MPRIP: variants seen among roughly 807,000 people sequenced by gnomAD.
MPRIP encodes the protein myosin phosphatase Rho interacting protein.
In MPRIP, 59 loss-of-function variants were observed where a neutral mutation model predicts 234.9. The ratio of observed to expected loss-of-function variants is 0.25; its 90% confidence interval spans 0.20 to 0.31. The LOEUF is 0.31. Ranked by LOEUF, MPRIP falls within the 10% of genes least tolerant of loss-of-function variation. The pLI is 1.00. For synonymous variants in MPRIP, 1,144 were observed against 1,263.9 expected (o/e 0.91, Z 2.01); for missense variants, 2,436 against 3,071.0 (o/e 0.79, Z 4.89).
intron 4 of MPRIP, 26 bp from the exon 5 acceptor site, chr17:17,131,591 G>A (rs2090597719): frequency 1.9e-6 from 3 of 1,608,178 alleles, no homozygotes; most frequent in African/African-American, 1.3e-5. Flanking sequence ...GTCTTACCTG[G>A]TACTTGTCTC....
rs2046482082 is a variant in MPRIP, at chr17:17,186,719, A to T, written c.*1825A>T. On this transcript the variant is annotated 3_prime_UTR_variant, in exon 24 of 24. Coordinates refer to ENST00000651222, the MANE Select transcript of MPRIP (RefSeq NM_001364716.4). ...GGGTGACAAAGCAAGGCCCCATATC[A>T]GATATAGATATACTTATCAGACCCC... The T allele has an allele frequency of 6.6e-6, 1 of 152,196 alleles. No individual in the cohort carries two copies. The highest frequency in any genetic ancestry group is 2.1e-4 in the South Asian group (1 of 4,822). 9.4% of individuals were successfully genotyped at this position (152,196 alleles called of 1,614,324 possible).
At chr17:17,146,274 C>T (rs1004900049) in intron 10 of MPRIP, among the ~76,000 whole-genome samples, 182 bp downstream of exon 10, 2 of 152,226 alleles carry the variant, frequency 1.3e-5, no homozygotes, top group Non-Finnish European at 2.9e-5. Flanking sequence ...GGCACACAGC[C>T]TTCATTTCTG....
intron 1 of MPRIP, among the ~76,000 whole-genome samples, chr17:17,067,626 G>C (rs1241942155): frequency 6.6e-6 from 1 of 152,156 alleles, no homozygotes; most frequent in East Asian, 1.9e-4. Context: ...GGATGGAGGA[G>C]GGGGGAACTA....
At chr17:17,050,496 G>A (rs1394349849) in intron 1 of MPRIP, among the ~76,000 whole-genome samples, 1 of 152,000 alleles carries the variant, frequency 6.6e-6, no homozygotes, top group African/African-American at 2.4e-5. Flanking sequence ...TGGTGTGGCC[G>A]CTGCCCGCAG....
chr17:17,106,738 A>C (rs1167023607), intron 3 of MPRIP, among the ~76,000 whole-genome samples: 3 of 152,226 alleles, frequency 2.0e-5, no homozygotes, highest in African/African-American at 7.2e-5. Flanking sequence ...GGAAATCACC[A>C]CTATGCCATC....
chr17:17,168,124 A>G (rs1020815956), intron 16 of MPRIP: 1 of 368,616 alleles, frequency 2.7e-6, no homozygotes, highest in Non-Finnish European at 5.1e-6. Context: ...CAGGAGGAGA[A>G]CTAGCAGGAG....
chr17:17,069,497 CT>C (rs2089141532), intron 1 of MPRIP, among the ~76,000 whole-genome samples: 1 of 149,204 alleles, frequency 6.7e-6, no homozygotes, highest in Non-Finnish European at 1.5e-5. Context: ...TTTTTTTTTC[CT>C]GCTTCCTTTG....
At chr17:17,077,409 T>C (rs1028607757) in intron 2 of MPRIP, 1 of 154,020 alleles carries the variant, frequency 6.5e-6, no homozygotes, top group Non-Finnish European at 1.4e-5. Context: ...TCTGTGCCAG[T>C]TGGTCACTCC....
At chr17:17,085,781 CG>C (rs1490651407) in intron 3 of MPRIP, among the ~76,000 whole-genome samples, 3 of 152,182 alleles carry the variant, frequency 2.0e-5, no homozygotes, top group Non-Finnish European at 4.4e-5. Context: ...GGCATGGTGG[CG>C]GGTGCCTGTA....
Position 17,131,526 on chromosome 17 carries a change from C to T in MPRIP, c.420-91C>T. The T allele has an allele frequency of 1.9e-6, 2 of 1,055,724 alleles. 1 individual carries two copies. The allele number at this position is 1,055,724 out of a possible 1,614,324, so 65.4% of individuals were successfully genotyped here. On this transcript the variant is annotated intron_variant, in intron 4 of 23. Transcript: ENST00000651222. ...GTCTGTCACTGGGGACAATGCCCTG[C>T]TCTACTCCTGGACCACCCGGCAAGG...
chr17:17,064,190 C>T (rs1011145663), intron 1 of MPRIP, among the ~76,000 whole-genome samples: 14 of 148,996 alleles, frequency 9.4e-5, no homozygotes, highest in African/African-American at 3.3e-4. Context: ...TTTTGTTTTT[C>T]GGTTTTTTTT....
At chr17:17,119,785 T>G (rs1251778359) in intron 3 of MPRIP, among the ~76,000 whole-genome samples, 2 of 152,152 alleles carry the variant, frequency 1.3e-5, no homozygotes, top group African/African-American at 4.8e-5. Flanking sequence ...CTTTTCATAC[T>G]CCTTAAGTGG....
chr17:17,096,914 G>A (rs1351275233), intron 3 of MPRIP: 16 of 419,816 alleles, frequency 3.8e-5, no homozygotes, highest in South Asian at 1.2e-4. Context: ...CTAGAATCTC[G>A]TCGGCTGCTG....
rs369638134 is a variant in MPRIP, at chr17:17,176,490, A to C, written c.6935A>C (p.Asp2312Ala). 3 of 1,614,012 alleles carry C rather than the reference A, an allele frequency of 1.9e-6. No individual in the cohort carries two copies. The highest frequency in any genetic ancestry group is 1.3e-5 in the African/African-American group (1 of 74,944). ...YLKQEISSLK[D>A]ELQTALRDKK... ...AAACAGGAGATTAGCTCCCTCAAGG[A>C]TGAGCTGCAGACGGCACTGCGGGTA... is the stretch of plus-strand genomic sequence containing the variant. The change falls in exon 21 of 24, where the codon GAT becomes GCT. Residue 2312 changes from aspartate (D) to alanine (A), a missense_variant. By Grantham distance (126) the Asp-to-Ala change is moderately radical. Coordinates refer to ENST00000651222, the MANE Select transcript of MPRIP (RefSeq NM_001364716.4).
rs986683001 is a variant in MPRIP at position 17,078,534 on chromosome 17, G to T, written c.267+458G>T. Among the ~76,000 whole-genome samples, 3 of 152,188 alleles carry T rather than the reference G, an allele frequency of 2.0e-5. No individual in the cohort carries two copies. The highest frequency in any genetic ancestry group is 2.9e-5 in the Non-Finnish European group (2 of 68,038). On this transcript the variant is annotated intron_variant, in intron 3 of 23. Transcript: ENST00000651222. The surrounding 1 kb of genome is among the most constrained non-coding windows in gnomAD (Gnocchi z 4.3). ...GTTTTGCTTGTCTCATTTGAGCTTG[G>T]CTTAGTTTTCCGAGCTGACTTCAGA... is the stretch of plus-strand genomic sequence containing the variant.
intron 3 of MPRIP, among the ~76,000 whole-genome samples, chr17:17,121,615 A>G (rs1157986837): frequency 6.6e-6 from 1 of 152,240 alleles, no homozygotes; most frequent in African/African-American, 2.4e-5. Context: ...CAGCAGGGGA[A>G]GGGGGAACAC....
intron 3 of MPRIP, among the ~76,000 whole-genome samples, chr17:17,117,676 T>C (rs2090313042): frequency 6.6e-6 from 1 of 152,254 alleles, no homozygotes; most frequent in East Asian, 1.9e-4. Context: ...ACGATATGAT[T>C]TGTGTATATG....
chr17:17,049,023 A>C (rs570150153), intron 1 of MPRIP, among the ~76,000 whole-genome samples: 5 of 152,384 alleles, frequency 3.3e-5, no homozygotes, highest in Non-Finnish European at 7.3e-5. Flanking sequence ...CGAAGTACTG[A>C]GACATGCCAC....
Position 17,185,769 on chromosome 17 carries a change from G to T in MPRIP, c.*875G>T. On this transcript the variant is annotated 3_prime_UTR_variant, in exon 24 of 24. Coordinates refer to ENST00000651222, the MANE Select transcript of MPRIP (RefSeq NM_001364716.4). Reference sequence around the variant, plus strand: ...GGTTTGGGTTTTTTTTTTACCTTTTGGAAAAGAAACCGTCACATTGCTTTG... The same window carrying T: ...GGTTTGGGTTTTTTTTTTACCTTTTTGAAAAGAAACCGTCACATTGCTTTG... 2.9e-6 allele frequency: 1 copy of T among 341,278 alleles called. No individual in the cohort carries two copies. Among genetic ancestry groups the T allele is most frequent in the Non-Finnish European group, 5.7e-6 (1 of 174,404 alleles). The allele number at this position is 341,278 out of a possible 1,614,324, so 21.1% of individuals were successfully genotyped here. A position where few individuals can be genotyped will look rare whatever the true frequency, so the allele number is the denominator to read the frequency against.
Sources: gnomAD v4.1 joint callset for allele counts (sites outside exome capture counted in the v4.1 genomes callset) on GRCh38, gnomAD v4.1.1 for gene constraint, Gnocchi (gnomAD v3.1) non-coding constraint, MANE v1.5 for transcripts, NCBI Gene and HGNC (gene_info 2026-07-23, HGNC 2026-07-21) for gene names.